CADM2: variants seen among roughly 807,000 people sequenced by gnomAD.
CADM2 encodes the protein immunoglobulin superfamily member 4D.
Under a neutral mutation model 49.8 loss-of-function variants are expected in CADM2, and 12 were observed. The ratio of observed to expected loss-of-function variants is 0.24; its 90% confidence interval spans 0.15 to 0.39. The LOEUF is 0.39. Ranked by LOEUF, CADM2 falls within the 10% of genes least tolerant of loss-of-function variation. The probability of loss-of-function intolerance (pLI) is 1.00; values close to 1 mark genes in which losing one functional copy is unlikely to be tolerated. For synonymous variants in CADM2, 214 were observed against 175.4 expected (o/e 1.22, Z -1.74); for missense variants, 378 against 492.3 (o/e 0.77, Z 2.20).
intron 1 of CADM2, among the ~76,000 whole-genome samples, chr3:85,396,027 A>T (rs994215877): frequency 6.7e-6 from 1 of 149,828 alleles, no homozygotes; most frequent in Non-Finnish European, 1.5e-5. Flanking sequence ...TCTGAATATT[A>T]TATTTAATTA....
chr3:85,619,280 A>G (rs181760179), intron 1 of CADM2, among the ~76,000 whole-genome samples: 1 of 152,004 alleles, frequency 6.6e-6, no homozygotes, highest in East Asian at 1.9e-4. Flanking sequence ...GCTTAGATTT[A>G]TTGATATTTT....
intron 1 of CADM2, among the ~76,000 whole-genome samples, chr3:85,227,018 A>G (rs1243428272): frequency 2.0e-5 from 3 of 152,070 alleles, no homozygotes; most frequent in Non-Finnish European, 4.4e-5. Context: ...GTTCTTTTAT[A>G]TTTGCTGAGG....
intron 1 of CADM2, among the ~76,000 whole-genome samples, chr3:85,372,772 G>A (rs2033344283): frequency 6.6e-6 from 1 of 152,088 alleles, no homozygotes; most frequent in African/African-American, 2.4e-5. Flanking sequence ...CATGGCAGAA[G>A]GTAAAGGAGG....
intron 1 of CADM2, among the ~76,000 whole-genome samples, chr3:85,321,357 G>A (rs1355016260): frequency 1.3e-5 from 2 of 150,198 alleles, no homozygotes; most frequent in Non-Finnish European, 3.0e-5. Flanking sequence ...ATTTATTTTT[G>A]TACTTTTAGT....
In CADM2 at chr3:85,716,010, G is replaced by A. The variant is rs532709503; in HGVS notation, c.62-10512G>A. Among the ~76,000 whole-genome samples the A allele has an allele frequency of 3.3e-5, 5 of 152,080 alleles. No individual in the cohort carries two copies. In the East Asian group the frequency reaches 7.7e-4, roughly 24 times the overall value. On this transcript the variant is annotated intron_variant, in intron 1 of 9. Coordinates refer to ENST00000383699, the MANE Select transcript of CADM2 (RefSeq NM_001167675.2). ...TAGTAGAATGATTTATAATCCTTTG[G>A]GTATATACCCAGTAATGGGATTGCT... is the stretch of plus-strand genomic sequence containing the variant.
At chr3:85,423,338 A>G (rs2036261848) in intron 1 of CADM2, among the ~76,000 whole-genome samples, 1 of 152,092 alleles carries the variant, frequency 6.6e-6, no homozygotes, top group Non-Finnish European at 1.5e-5. Flanking sequence ...TTTGGGCATG[A>G]AAGCAGGAAT....
intron 1 of CADM2, among the ~76,000 whole-genome samples, chr3:85,706,656 C>A (rs1036177665): frequency 1.3e-5 from 2 of 152,062 alleles, no homozygotes; most frequent in Non-Finnish European, 2.9e-5. Context: ...ACAGCTCTAA[C>A]TGAAATATGA....
At chr3:85,728,013 G>A (rs2067774162) in intron 2 of CADM2, among the ~76,000 whole-genome samples, 1 of 152,048 alleles carries the variant, frequency 6.6e-6, no homozygotes, top group Non-Finnish European at 1.5e-5. Context: ...GTGATTATGA[G>A]TCATTACAGT....
At chr3:85,539,939 G>C (rs536522178) in intron 1 of CADM2, among the ~76,000 whole-genome samples, 1 of 152,084 alleles carries the variant, frequency 6.6e-6, no homozygotes, top group African/African-American at 2.4e-5. Context: ...TATAAGTCTA[G>C]AGTTAGAAAA....
intron 1 of CADM2, among the ~76,000 whole-genome samples, chr3:85,319,163 C>G (rs953058645): frequency 2.6e-5 from 4 of 152,284 alleles, no homozygotes; most frequent in African/African-American, 9.6e-5. Context: ...TCAATGCTAA[C>G]TGTCATTTAT....
chr3:85,969,239 C>A (rs1159057960), intron 8 of CADM2, among the ~76,000 whole-genome samples: 1 of 151,534 alleles, frequency 6.6e-6, no homozygotes, highest in Non-Finnish European at 1.5e-5. Flanking sequence ...CCTCATTGTC[C>A]TACTTTTCCA....
chr3:85,828,254 G>A (rs1025428129), intron 3 of CADM2, among the ~76,000 whole-genome samples: 2 of 151,932 alleles, frequency 1.3e-5, no homozygotes, highest in Non-Finnish European at 2.9e-5. Context: ...CCAAACACGG[G>A]TAAAGCAGTT....
intron 2 of CADM2, among the ~76,000 whole-genome samples, chr3:85,759,589 A>G (rs763912436): frequency 4.6e-5 from 7 of 152,096 alleles, no homozygotes; most frequent in Non-Finnish European, 7.4e-5. Context: ...GTAAGAAAGG[A>G]AAGGGGTTTA....
chr3:85,577,917 A>T (rs1415922653), intron 1 of CADM2, among the ~76,000 whole-genome samples: 1 of 151,876 alleles, frequency 6.6e-6, no homozygotes, highest in Non-Finnish European at 1.5e-5. Flanking sequence ...TCCCAAAATC[A>T]GTCTTGTTTC....
intron 5 of CADM2, among the ~76,000 whole-genome samples, chr3:85,898,988 C>T (rs555077376): frequency 2.2e-4 from 8 of 36,008 alleles, no homozygotes; most frequent in South Asian, 2.4e-3. Context: ...TTTTTTGAGA[C>T]GGAGTCTCAC....
At chr3:85,165,784 T>TA (rs2107675669) in intron 1 of CADM2, among the ~76,000 whole-genome samples, 1 of 151,996 alleles carries the variant, frequency 6.6e-6, no homozygotes, top group South Asian at 2.1e-4. Flanking sequence ...AAGTAAGTGA[T>TA]ACAGTATTTG....
rs115196078 is a variant in CADM2, at chr3:85,528,390, A to G, written c.62-198132A>G. On this transcript the variant is annotated intron_variant, in intron 1 of 9. Coordinates refer to ENST00000383699, the MANE Select transcript of CADM2 (RefSeq NM_001167675.2). Reference sequence around the variant, plus strand: ...GTTTTCTCTTTATAGTTTAGTAACTATGACTTCAAAATGTGGAGTAAGCTT... The same window carrying G: ...GTTTTCTCTTTATAGTTTAGTAACTGTGACTTCAAAATGTGGAGTAAGCTT... Among the ~76,000 whole-genome samples, 365 of 152,324 alleles carry G rather than the reference A, an allele frequency of 2.4e-3. 3 individuals are homozygous for G. Among genetic ancestry groups the G allele is most frequent in the African/African-American group, 8.1e-3 (338 of 41,574 alleles).
chr3:85,337,515 C>T (rs1394003402), intron 1 of CADM2, among the ~76,000 whole-genome samples: 1 of 151,236 alleles, frequency 6.6e-6, no homozygotes, highest in African/African-American at 2.4e-5. Context: ...CTTAGTTACC[C>T]TTTCTGGCTT....
At chr3:85,314,644 C>T (rs181550688) in intron 1 of CADM2, among the ~76,000 whole-genome samples, 7 of 152,094 alleles carry the variant, frequency 4.6e-5, no homozygotes. Flanking sequence ...TTAATGATAC[C>T]TCTTACTCAA....
Sources: allele counts gnomAD v4.1 joint callset (sites outside exome capture counted in the v4.1 genomes callset), GRCh38; gene constraint gnomAD v4.1.1; transcripts MANE v1.5; gene names NCBI Gene and HGNC (gene_info 2026-07-23, HGNC 2026-07-21).